The following PCDHB11 variants were observed in gnomAD, a reference collection of about 807,000 sequenced individuals.
The protein encoded by PCDHB11 is protocadherin beta 11.
For synonymous variants in PCDHB11, 522 were observed against 442.0 expected, an observed-to-expected ratio of 1.18 and a Z score of -2.27; for missense variants, 1,151 against 1,003.4, an observed-to-expected ratio of 1.15 and a Z score of -1.99.
In PCDHB11 at chr5:141,200,132, G is replaced by C; in HGVS notation, c.358G>C (p.Glu120Gln). 6.2e-7 allele frequency: 1 copy of C among 1,614,090 alleles called. No individual in the cohort carries two copies. The highest frequency in any genetic ancestry group is 8.5e-7 in the Non-Finnish European group (1 of 1,180,034). The change falls in exon 1 of 1, where the codon GAG becomes CAG. Residue 120 changes from glutamate (E) to glutamine (Q), a missense_variant. By Grantham distance (29) the Glu-to-Gln change is conservative. Transcript: ENST00000354757. ...MQNPTQFLQI[E>Q]LQVRDINDHS... ...AAACCCCACGCAGTTTTTACAAATT[G>C]AGCTTCAGGTCAGGGATATAAATGA...
Position 141,202,623 on chromosome 5 carries a change from T to A in PCDHB11, c.*455T>A, listed in dbSNP as rs1212999123. 4 of 152,600 alleles carry A rather than the reference T, an allele frequency of 2.6e-5. No individual in the cohort carries two copies. Among genetic ancestry groups the A allele is most frequent in the Non-Finnish European group, 4.4e-5 (3 of 68,864 alleles). 9.5% of individuals were successfully genotyped at this position (152,600 alleles called of 1,614,324 possible). ...GCCCGGCCTTTTTTTTTTCTTTTCT[T>A]TTCTTTTTTTTGATACAGAGTCTTA... is the stretch of plus-strand genomic sequence containing the variant. On this transcript the variant is annotated 3_prime_UTR_variant, in exon 1 of 1. Transcript: ENST00000354757.
chr5:141,201,063 G>C lies in PCDHB11; in HGVS notation c.1289G>C (p.Arg430Thr). Residue 430 changes from arginine to threonine, a missense_variant, in exon 1 of 1, where the codon AGG (arginine) becomes ACG (threonine). Coordinates refer to ENST00000354757, the MANE Select transcript of PCDHB11 (RefSeq NM_018931.3). Reference sequence around the variant, plus strand: ...ACCGTCACCGACTTGGGGATACCCAGGCTGAAAACCGAGCACAACACAACT... The same window carrying C: ...ACCGTCACCGACTTGGGGATACCCACGCTGAAAACCGAGCACAACACAACT... ...TITVTDLGIP[R>T]LKTEHNTTVL... The C allele has an allele frequency of 6.2e-7, 1 of 1,614,190 alleles. No individual in the cohort carries two copies. The highest frequency in any genetic ancestry group is 8.5e-7 in the Non-Finnish European group (1 of 1,180,036).
chr5:141,201,804 CA>C lies in PCDHB11; in HGVS notation c.2031del (p.Pro678ArgfsTer62). 6.2e-7 allele frequency: 1 copy of C among 1,610,348 alleles called. No homozygotes were observed. Among genetic ancestry groups the C allele is most frequent in the Non-Finnish European group, 8.5e-7 (1 of 1,179,806 alleles). ...SQPYLPLPEA[A>X]PAQAQADSLT... ...CCCTACCTGCCGCTCCCTGAGGCGG[CA>C]CCGGCCCAGGCCCAGGCCGACTCGC... On this transcript the variant is annotated frameshift_variant, in exon 1 of 1. Transcript: ENST00000354757. LOFTEE classifies it low-confidence loss of function (END_TRUNC).
Position 141,202,003 on chromosome 5 carries a change from G to T in PCDHB11, c.2229G>T (p.Gly743=), listed in dbSNP as rs782701467. 1 of 1,614,072 alleles carries T rather than the reference G, an allele frequency of 6.2e-7. No homozygotes were observed. The highest frequency in any genetic ancestry group is 1.7e-5 in the Admixed American group (1 of 60,016). Residue 743 remains glycine, a synonymous_variant, in exon 1 of 1, where the codon GGG becomes GGT. Transcript: ENST00000354757. ...ATCTGGTGGACGTGAGCGGCACCGG[G>T]ACCCTTTCCCAGAGCTACCAGTACG... ...PGHLVDVSGT[G]TLSQSYQYEV...
chr5:141,200,129 A>T lies in PCDHB11; in HGVS notation c.355A>T (p.Ile119Phe). Residue 119 changes from isoleucine (I) to phenylalanine (F), a missense_variant, in exon 1 of 1, where the codon ATT becomes TTT. Ile to Phe is a conservative substitution (Grantham distance 21). Transcript: ENST00000354757. ...GCAAAACCCCACGCAGTTTTTACAAATTGAGCTTCAGGTCAGGGATATAAA... is the reference window on the plus strand; with the variant it reads ...GCAAAACCCCACGCAGTTTTTACAATTTGAGCTTCAGGTCAGGGATATAAA... Reference protein sequence around the residue: ...LMQNPTQFLQIELQVRDINDH... With the variant: ...LMQNPTQFLQFELQVRDINDH... The T allele has an allele frequency of 2.5e-6, 4 of 1,614,084 alleles. No individual in the cohort carries two copies. The highest frequency in any genetic ancestry group is 3.4e-6 in the Non-Finnish European group (4 of 1,180,006).
chr5:141,200,284 C>T lies in PCDHB11; in HGVS notation c.510C>T (p.Tyr170=), dbSNP rs1754137936. ...TAGGAATCAATGCTGTAAAAAGCTA[C>T]ACAATAAGCCCCAACTCTCATTTTC... ...LDVGINAVKS[Y]TISPNSHFHI... is the part of the protein sequence containing the mutation. Residue 170 remains tyrosine, a synonymous_variant, in exon 1 of 1, where the codon TAC becomes TAT. Transcript: ENST00000354757. 6.2e-7 allele frequency: 1 copy of T among 1,614,180 alleles called. No individual in the cohort carries two copies. The highest frequency in any genetic ancestry group is 1.7e-5 in the Admixed American group (1 of 60,012).
chr5:141,200,294 C>A lies in PCDHB11; in HGVS notation c.520C>A (p.Pro174Thr), dbSNP rs781943126. 2 of 1,614,086 alleles carry A rather than the reference C, an allele frequency of 1.2e-6. No homozygotes were observed. The highest frequency in any genetic ancestry group is 2.2e-5 in the East Asian group (1 of 44,872). ...TGCTGTAAAAAGCTACACAATAAGCCCCAACTCTCATTTTCACATTAAAAT... is the reference window on the plus strand; with the variant it reads ...TGCTGTAAAAAGCTACACAATAAGCACCAACTCTCATTTTCACATTAAAAT... ...INAVKSYTISPNSHFHIKMRV... is the reference protein window; with the variant it reads ...INAVKSYTISTNSHFHIKMRV... The change falls in exon 1 of 1, where the codon CCC becomes ACC. Residue 174 changes from proline (P) to threonine (T), a missense_variant. Physicochemically the swap from Pro to Thr is conservative, Grantham distance 38 (BLOSUM62 -1). Coordinates refer to ENST00000354757, the MANE Select transcript of PCDHB11 (RefSeq NM_018931.3).
In PCDHB11 at chr5:141,200,568, C is replaced by A; in HGVS notation, c.794C>A (p.Ser265Ter). 1 of 1,614,178 alleles carries A rather than the reference C, an allele frequency of 6.2e-7. No individual in the cohort carries two copies. The highest frequency in any genetic ancestry group is 8.5e-7 in the Non-Finnish European group (1 of 1,180,034). ...SILGSLILIV[S>*]AWDLDSGTNG... ...CTTGGCTCGCTGATTTTGATTGTCT[C>A]AGCTTGGGATTTAGACTCTGGAACA... The change falls in exon 1 of 1, where the codon TCA (serine) becomes TAA (stop). Residue 265 changes from serine (S) to a stop codon, truncating the protein, a stop_gained. Transcript: ENST00000354757. LOFTEE classifies it low-confidence loss of function (END_TRUNC).
Position 141,201,282 on chromosome 5 carries a change from T to C in PCDHB11, c.1508T>C (p.Leu503Pro). 6.2e-7 allele frequency: 1 copy of C among 1,613,562 alleles called. No individual in the cohort carries two copies. Among genetic ancestry groups the C allele is most frequent in the Middle Eastern group, 1.8e-4 (1 of 5,522 alleles). ...GACCTGCACCTGCCCCTCGCCTCCC[T>C]GGTCTCCATCAACACAGACAACGGC... Reference protein sequence around the residue: ...PQDLHLPLASLVSINTDNGHL... With the variant: ...PQDLHLPLASPVSINTDNGHL... The change falls in exon 1 of 1, where the codon CTG becomes CCG. Residue 503 changes from leucine (L) to proline (P), a missense_variant. Leu to Pro is a moderately conservative substitution (Grantham distance 98). Transcript: ENST00000354757.
chr5:141,203,246 T>A lies in PCDHB11; in HGVS notation c.*1078T>A, dbSNP rs1754247591. The stretch of plus-strand genomic sequence containing the variant: ...TTACAGGTGCACCACCACACCCAGC[T>A]AATTTTGCATTTTTAGTAGAGACGG... On this transcript the variant is annotated 3_prime_UTR_variant, in exon 1 of 1. Coordinates refer to ENST00000354757, the MANE Select transcript of PCDHB11 (RefSeq NM_018931.3). 6.6e-6 allele frequency: 1 copy of A among 152,120 alleles called. No individual in the cohort carries two copies. The highest frequency in any genetic ancestry group is 1.9e-4 in the East Asian group (1 of 5,180). The allele number at this position is 152,120 out of a possible 1,614,324, so 9.4% of individuals were successfully genotyped here. A position where few individuals can be genotyped will look rare whatever the true frequency, so the allele number is the denominator to read the frequency against.
Position 141,200,676 on chromosome 5 carries a change from T to C in PCDHB11, c.902T>C (p.Ile301Thr), listed in dbSNP as rs782118175. ...TFEINQKSGEITLRAPLDFET... is the reference protein window; with the variant it reads ...TFEINQKSGETTLRAPLDFET... Reference sequence around the variant, plus strand: ...GAAATTAATCAAAAGTCTGGAGAAATTACTTTAAGAGCACCTCTGGATTTT... The same window carrying C: ...GAAATTAATCAAAAGTCTGGAGAAACTACTTTAAGAGCACCTCTGGATTTT... The change falls in exon 1 of 1, where the codon ATT (isoleucine) becomes ACT (threonine). Residue 301 changes from isoleucine (I) to threonine (T), a missense_variant. By Grantham distance (89) the Ile-to-Thr change is moderately conservative. Transcript: ENST00000354757. 2.9e-5 allele frequency: 46 copies of C among 1,614,030 alleles called. No homozygotes were observed. Among genetic ancestry groups the C allele is most frequent in the Non-Finnish European group, 3.8e-5 (45 of 1,180,012 alleles).
chr5:141,200,543 C>A lies in PCDHB11; in HGVS notation c.769C>A (p.Leu257Ile). Residue 257 changes from leucine to isoleucine, a missense_variant, in exon 1 of 1, where the codon CTT becomes ATT. Physicochemically the swap from Leu to Ile is conservative, Grantham distance 5. Transcript: ENST00000354757. ...GGTGAAGATTCGGGAGAATAGCATC[C>A]TTGGCTCGCTGATTTTGATTGTCTC... ...YEVKIRENSILGSLILIVSAW... is the reference protein window; with the variant it reads ...YEVKIRENSIIGSLILIVSAW... 3 of 1,614,170 alleles carry A rather than the reference C, an allele frequency of 1.9e-6. No individual in the cohort carries two copies. Among genetic ancestry groups the A allele is most frequent in the Non-Finnish European group, 2.5e-6 (3 of 1,180,042 alleles).
rs1306988104 is a variant in PCDHB11 at position 141,202,932 on chromosome 5, G to A, written c.*764G>A. 3 of 151,740 alleles carry A rather than the reference G, an allele frequency of 2.0e-5. No homozygotes were observed. Among genetic ancestry groups the A allele is most frequent in the African/African-American group, 7.3e-5 (3 of 41,252 alleles). The allele number at this position is 151,740 out of a possible 1,614,324, so 9.4% of individuals were successfully genotyped here. ...CAATTTTCAAGTATTGCATATCATT[G>A]TGAATAACATTGTAAATCCTTTTTA... On this transcript the variant is annotated 3_prime_UTR_variant, in exon 1 of 1. Coordinates refer to ENST00000354757, the MANE Select transcript of PCDHB11 (RefSeq NM_018931.3).
rs1196714000 is a variant in PCDHB11, at chr5:141,199,694, C to T, written c.-81C>T. The stretch of plus-strand genomic sequence containing the variant: ...TTCAACAGGGTTAAAATCCTTAGAC[C>T]ACAGAGGATTTGGTGGACAAGTCAG... On this transcript the variant is annotated 5_prime_UTR_variant, in exon 1 of 1. Coordinates refer to ENST00000354757, the MANE Select transcript of PCDHB11 (RefSeq NM_018931.3). 1 of 1,257,878 alleles carries T rather than the reference C, an allele frequency of 7.9e-7. No individual in the cohort carries two copies. The highest frequency in any genetic ancestry group is 1.4e-5 in the South Asian group (1 of 69,456). 77.9% of individuals were successfully genotyped at this position (1,257,878 alleles called of 1,614,324 possible).
Position 141,200,550 on chromosome 5 carries a change from C to G in PCDHB11, c.776C>G (p.Ser259Trp), listed in dbSNP as rs115706518. Residue 259 changes from serine to tryptophan, a missense_variant, in exon 1 of 1, where the codon TCG (serine) becomes TGG (tryptophan). Physicochemically the swap from Ser to Trp is radical, Grantham distance 177. Coordinates refer to ENST00000354757, the MANE Select transcript of PCDHB11 (RefSeq NM_018931.3). ...ATTCGGGAGAATAGCATCCTTGGCT[C>G]GCTGATTTTGATTGTCTCAGCTTGG... is the stretch of plus-strand genomic sequence containing the variant. ...VKIRENSILGSLILIVSAWDL... is the reference protein window; with the variant it reads ...VKIRENSILGWLILIVSAWDL... 2 of 1,614,098 alleles carry G rather than the reference C, an allele frequency of 1.2e-6. No homozygotes were observed. Among genetic ancestry groups the G allele is most frequent in the Non-Finnish European group, 1.7e-6 (2 of 1,180,042 alleles).
At position 141,201,850 on chromosome 5, in the gene PCDHB11, G is replaced by A. The variant is rs1754205703; in HGVS notation, c.2076G>A (p.Val692=). Residue 692 remains valine (V), a synonymous_variant, in exon 1 of 1, where the codon GTG becomes GTA. Coordinates refer to ENST00000354757, the MANE Select transcript of PCDHB11 (RefSeq NM_018931.3). ...ACTCGCTCACCGTCTACTTGGTGGT[G>A]GCGTTGGCCTCGGTGTCTTCGCTCT... is the stretch of plus-strand genomic sequence containing the variant. ...QADSLTVYLV[V]ALASVSSLFL... The A allele has an allele frequency of 6.2e-7, 1 of 1,611,138 alleles. No homozygotes were observed.
Position 141,202,176 on chromosome 5 carries a change from G to T in PCDHB11, c.*8G>T. On this transcript the variant is annotated 3_prime_UTR_variant, in exon 1 of 1. Coordinates refer to ENST00000354757, the MANE Select transcript of PCDHB11 (RefSeq NM_018931.3). ...TTTGGATTTAATTTTTAGTAAGAAT[G>T]CTATTTACATTTGCATGTACTTTTT... 6.3e-7 allele frequency: 1 copy of T among 1,587,768 alleles called. No individual in the cohort carries two copies. The highest frequency in any genetic ancestry group is 8.6e-7 in the Non-Finnish European group (1 of 1,166,670).
Position 141,200,443 on chromosome 5 carries a change from T to G in PCDHB11, c.669T>G (p.Ser223=). 1 of 1,614,160 alleles carries G rather than the reference T, an allele frequency of 6.2e-7. No individual in the cohort carries two copies. Among genetic ancestry groups the G allele is most frequent in the Non-Finnish European group, 8.5e-7 (1 of 1,180,014 alleles). The stretch of plus-strand genomic sequence containing the variant: ...TGGATGGTGGGTCCCCTCCCAGGTC[T>G]GGAACTGCCTTGGTCAGGGTGGTGG... The part of the protein sequence containing the change: ...SALDGGSPPR[S]GTALVRVVVV... The change falls in exon 1 of 1, where the codon TCT becomes TCG. Residue 223 remains serine, a synonymous_variant. Transcript: ENST00000354757.
rs556041933 is a variant in PCDHB11, at chr5:141,200,854, G to A, written c.1080G>A (p.Thr360=). The A allele has an allele frequency of 1.3e-4, 202 of 1,614,128 alleles. 1 individual carries two copies. In the South Asian group the frequency reaches 2.2e-3, roughly 17 times the overall value. Residue 360 remains threonine, a synonymous_variant, in exon 1 of 1, where the codon ACG becomes ACA. Transcript: ENST00000354757. The part of the protein sequence containing the change: ...SSITSPIPEN[T]PETVVMVFSI... ...TTACCAGTCCAATCCCAGAAAATAC[G>A]CCAGAGACCGTGGTTATGGTTTTTA...
Sources: gnomAD v4.1 joint callset for allele counts on GRCh38, gnomAD v4.1.1 for gene constraint, MANE v1.5 for transcripts, NCBI Gene and HGNC (gene_info 2026-07-23, HGNC 2026-07-21) for gene names.